The following DGKB variants were observed in gnomAD, a reference collection of about 807,000 sequenced individuals.
DGKB encodes diacylglycerol kinase beta, also known as 90 kDa diacylglycerol kinase.
DGKB carries 67 observed loss-of-function variants against 114.3 expected under a neutral mutation model. The observed-to-expected ratio is 0.59, with a 90% CI of 0.48 to 0.72. The LOEUF (loss-of-function observed/expected upper bound fraction) is 0.72. Ranked by LOEUF, DGKB falls within the 30% of genes least tolerant of loss-of-function variation. DGKB has a pLI of 0.00. For synonymous variants in DGKB, 398 were observed against 323.1 expected (o/e 1.23, Z -2.49); for missense variants, 907 against 975.2 (o/e 0.93, Z 0.93).
intron 6 of DGKB, among the ~76,000 whole-genome samples, chr7:14,708,665 C>T (rs1424856236): frequency 2.0e-5 from 3 of 151,314 alleles, no homozygotes; most frequent in Non-Finnish European, 2.9e-5. Context: ...ACGCCGCATA[C>T]CTACAACTGT....
In DGKB at chr7:14,471,211, T is replaced by TAC. The variant is rs1292552419; in HGVS notation, c.1835+6949_1835+6950insGT. Among the ~76,000 whole-genome samples the TAC allele has an allele frequency of 8.3e-5, 11 of 131,860 alleles. 2 individuals carry two copies. Among genetic ancestry groups the TAC allele is most frequent in the Admixed American group, 3.1e-4 (4 of 13,002 alleles). The allele number at this position is 131,860 out of a possible 152,430, so 86.5% of individuals were successfully genotyped here. A position where few individuals can be genotyped will look rare whatever the true frequency, so the allele number is the denominator to read the frequency against. ...TACATATATGTATGGAATATATGTA[T>TAC]ATATACATATATATGTATGGAATAT... On this transcript the variant is annotated intron_variant, in intron 21 of 25. Transcript: ENST00000402815.
chr7:14,150,244 G>A (rs2128210383), intron 25 of DGKB, among the ~76,000 whole-genome samples: 1 of 152,204 alleles, frequency 6.6e-6, no homozygotes, highest in South Asian at 2.1e-4. Context: ...GTTGTCACCT[G>A]CACAGCATTC....
intron 8 of DGKB, among the ~76,000 whole-genome samples, chr7:14,697,683 A>AAAGG (rs747233094): frequency 0.023 from 3,418 of 147,754 alleles, 161 homozygotes; most frequent in African/African-American, 0.083. Context: ...AAAGAAAAGA[A>AAAGG]AAGGAAGGAA....
At chr7:14,159,539 G>T (rs939005124) in intron 25 of DGKB, among the ~76,000 whole-genome samples, 2 of 152,154 alleles carry the variant, frequency 1.3e-5, no homozygotes, top group Non-Finnish European at 2.9e-5. Context: ...ACTGAGTTCA[G>T]AGATCATATC....
chr7:14,933,763 CTT>C (rs1351638954), intron 1 of DGKB, among the ~76,000 whole-genome samples: 3 of 152,088 alleles, frequency 2.0e-5, no homozygotes, highest in African/African-American at 7.2e-5. Context: ...TCGTTTGTCT[CTT>C]TTATGTTTTG....
intron 6 of DGKB, among the ~76,000 whole-genome samples, chr7:14,713,429 GA>G (rs11332570): frequency 0.4 from 60,167 of 151,794 alleles, 14,275 homozygotes; most frequent in East Asian, 0.87. Flanking sequence ...AAGCAGAGGT[GA>G]AAAAAATCAG....
intron 14 of DGKB, among the ~76,000 whole-genome samples, chr7:14,627,495 GAAT>G (rs1467909932): frequency 6.6e-6 from 1 of 151,986 alleles, no homozygotes; most frequent in East Asian, 1.9e-4. Context: ...TGAAATTTAG[GAAT>G]AAGAGGGTCT....
chr7:14,556,571 T>TA (rs1408305047), intron 20 of DGKB, among the ~76,000 whole-genome samples: 4 of 152,220 alleles, frequency 2.6e-5, no homozygotes, highest in South Asian at 4.1e-4. Context: ...TTTGATTTAT[T>TA]AAAAAAGCTT....
At position 14,951,204 on chromosome 7, in the gene DGKB, T is replaced by C. The variant is rs1170632858; in HGVS notation, c.-188+23492A>G. 3.9e-5 allele frequency among the ~76,000 whole-genome samples: 6 copies of C among 152,022 alleles called. No homozygotes were observed. In the South Asian group the frequency reaches 1.0e-3, roughly 26 times the overall value. ...GAGATGGGAACAAGACAAGGGTGTC[T>C]GCTGTTTCCACTTCTACTCCACACA... On this transcript the variant is annotated intron_variant, in intron 1 of 4. Transcript: ENST00000437998.
At chr7:14,317,381 A>G (rs1366466719) in intron 23 of DGKB, among the ~76,000 whole-genome samples, 1 of 141,896 alleles carries the variant, frequency 7.0e-6, no homozygotes, top group African/African-American at 2.7e-5. Context: ...TATATCTAGA[A>G]AACCCCACTG....
intron 17 of DGKB, among the ~76,000 whole-genome samples, chr7:14,606,697 A>C (rs953385160): frequency 1.3e-5 from 2 of 152,046 alleles, no homozygotes; most frequent in Non-Finnish European, 2.9e-5. Context: ...AAAAGAGGTC[A>C]ATGAAATAAA....
chr7:14,946,875 A>G (rs1785910659), intron 1 of DGKB, among the ~76,000 whole-genome samples: 1 of 151,820 alleles, frequency 6.6e-6, no homozygotes, highest in African/African-American at 2.4e-5. Flanking sequence ...GACATTGTAT[A>G]ATCCAACAAA....
At chr7:14,929,941 G>C (rs1368788789) in intron 1 of DGKB, among the ~76,000 whole-genome samples, 5 of 152,100 alleles carry the variant, frequency 3.3e-5, no homozygotes, top group Non-Finnish European at 7.4e-5. Flanking sequence ...TTTGCTTACA[G>C]CAATCCAATT....
intron 22 of DGKB, among the ~76,000 whole-genome samples, chr7:14,345,028 T>C (rs1458799597): frequency 6.6e-6 from 1 of 151,720 alleles, no homozygotes; most frequent in Non-Finnish European, 1.5e-5. Flanking sequence ...CTATCTGCAC[T>C]ATGCCCAGTA....
chr7:14,153,879 T>C (rs1782585310), intron 25 of DGKB, among the ~76,000 whole-genome samples: 1 of 152,104 alleles, frequency 6.6e-6, no homozygotes, highest in Non-Finnish European at 1.5e-5. Flanking sequence ...TAATTTTATC[T>C]GAGAACTCTA....
intron 12 of DGKB, among the ~76,000 whole-genome samples, chr7:14,675,336 G>A (rs576087433): frequency 6.6e-6 from 1 of 152,170 alleles, no homozygotes; most frequent in Admixed American, 6.6e-5. Flanking sequence ...AACTGACATG[G>A]TAAAGGACGA....
intron 19 of DGKB, among the ~76,000 whole-genome samples, chr7:14,577,542 G>A (rs1011499736): frequency 1.3e-4 from 20 of 152,134 alleles, no homozygotes; most frequent in East Asian, 7.8e-4. Context: ...GCGTGAACCC[G>A]GGGGGCGGAG....
At chr7:14,625,901 A>G (rs912654367) in intron 14 of DGKB, among the ~76,000 whole-genome samples, 3 of 152,202 alleles carry the variant, frequency 2.0e-5, no homozygotes, top group Admixed American at 2.0e-4. Flanking sequence ...CATTTTAAAT[A>G]TAGAATTCAG....
chr7:14,375,281 T>C (rs1393698643), intron 21 of DGKB, among the ~76,000 whole-genome samples: 3 of 152,242 alleles, frequency 2.0e-5, no homozygotes, highest in Non-Finnish European at 4.4e-5. Flanking sequence ...CTCTTTTCTC[T>C]TTTAGATATG....
Sources: allele counts gnomAD v4.1 joint callset (sites outside exome capture counted in the v4.1 genomes callset), GRCh38; gene constraint gnomAD v4.1.1; transcripts MANE v1.5; gene names NCBI Gene and HGNC (gene_info 2026-07-23, HGNC 2026-07-21).